Variants in NTN1 observed in about 807,000 individuals in gnomAD.
NTN1 encodes netrin 1, also known as netrin-1.
Under a neutral mutation model 54.2 loss-of-function variants are expected in NTN1, and 11 were observed. The observed-to-expected ratio is 0.20, with a 90% CI of 0.13 to 0.34. The LOEUF (loss-of-function observed/expected upper bound fraction) is 0.34. NTN1 is among the 10% of genes least tolerant of loss of function. The pLI, the probability that NTN1 is intolerant of heterozygous loss-of-function variation, is 1.00. For missense variants in NTN1, 740 were observed against 893.1 expected, an observed-to-expected ratio of 0.83 and a Z score of 2.18; for synonymous variants, 371 against 382.0, an observed-to-expected ratio of 0.97 and a Z score of 0.33.
intron 5 of NTN1, among the ~76,000 whole-genome samples, chr17:9,187,668 A>AC: frequency 6.6e-6 from 1 of 151,148 alleles, no homozygotes; most frequent in Non-Finnish European, 1.5e-5. Flanking sequence ...AAAAAAAAAA[A>AC]AAAAAAAAAA....
intron 2 of NTN1, among the ~76,000 whole-genome samples, chr17:9,148,439 A>AT (rs1444240169): frequency 1.3e-5 from 2 of 151,718 alleles, no homozygotes; most frequent in Non-Finnish European, 1.5e-5. Context: ...GTGGCTGTTG[A>AT]TAAAAAAAAC....
At chr17:9,236,720 C>T (rs1055359617) in intron 6 of NTN1, among the ~76,000 whole-genome samples, 3 of 152,180 alleles carry the variant, frequency 2.0e-5, no homozygotes, top group African/African-American at 7.2e-5. Context: ...TCTGGACTCC[C>T]GGCAGCAAGG....
intron 2 of NTN1, among the ~76,000 whole-genome samples, chr17:9,122,742 A>T (rs2092235265): frequency 6.6e-6 from 1 of 152,240 alleles, no homozygotes; most frequent in Non-Finnish European, 1.5e-5. Context: ...GACGATGTTA[A>T]TACCCTGTGG....
chr17:9,132,543 A>C (rs1448522095), intron 2 of NTN1, among the ~76,000 whole-genome samples: 1 of 152,168 alleles, frequency 6.6e-6, no homozygotes, highest in Admixed American at 6.5e-5. Context: ...GTCTGGCATG[A>C]GGCTGTCCTG....
chr17:9,014,394 A>G, the NTN1 span, among the ~76,000 whole-genome samples: 3 of 152,318 alleles, frequency 2.0e-5, no homozygotes, highest in African/African-American at 7.2e-5. Flanking sequence ...AAAACCTACT[A>G]TACATTGAAC....
At chr17:9,090,464 G>A (rs1481231319) in intron 2 of NTN1, among the ~76,000 whole-genome samples, 2 of 152,084 alleles carry the variant, frequency 1.3e-5, no homozygotes, top group African/African-American at 2.4e-5. Context: ...GTGAGCCACC[G>A]CGCCTGGCCT....
At chr17:9,186,024 C>T (rs1252099268) in intron 5 of NTN1, among the ~76,000 whole-genome samples, 2 of 151,934 alleles carry the variant, frequency 1.3e-5, no homozygotes, top group Non-Finnish European at 2.9e-5. Context: ...GCTGGGGTTT[C>T]CTCTTCAGAG....
At chr17:9,158,243 T>C (rs958395766) in intron 2 of NTN1, among the ~76,000 whole-genome samples, 2 of 152,326 alleles carry the variant, frequency 1.3e-5, no homozygotes, top group African/African-American at 4.8e-5. Flanking sequence ...GAACCTTTTG[T>C]TGGCGTAAGG....
At chr17:9,014,119 T>C in the NTN1 span, among the ~76,000 whole-genome samples, 2 of 152,142 alleles carry the variant, frequency 1.3e-5, no homozygotes, top group African/African-American at 4.8e-5. Context: ...ATAAACGACG[T>C]TGGGGAAATG....
chr17:9,037,765 C>G (rs574614548), intron 2 of NTN1, among the ~76,000 whole-genome samples: 1 of 152,288 alleles, frequency 6.6e-6, no homozygotes, highest in East Asian at 1.9e-4. Flanking sequence ...CCAGGTTTTT[C>G]TGCTACTGCG....
At chr17:9,191,690 A>G (rs780050186) in intron 5 of NTN1, among the ~76,000 whole-genome samples, 4 of 152,160 alleles carry the variant, frequency 2.6e-5, no homozygotes, top group Non-Finnish European at 5.9e-5. Context: ...CATAGGAAGC[A>G]TTAAACTTAC....
At chr17:9,100,706 T>C (rs989432482) in intron 2 of NTN1, among the ~76,000 whole-genome samples, 40 of 152,222 alleles carry the variant, frequency 2.6e-4, no homozygotes, top group African/African-American at 8.7e-4. Context: ...CAATCTCCTT[T>C]GTCTACCTTT....
At chr17:9,156,787 G>A (rs1490972984) in intron 2 of NTN1, among the ~76,000 whole-genome samples, 1 of 152,180 alleles carries the variant, frequency 6.6e-6, no homozygotes, top group African/African-American at 2.4e-5. Flanking sequence ...GATGTCGCAA[G>A]GCTATGCCTT....
chr17:9,042,194 G>A (rs1413453153), intron 2 of NTN1, among the ~76,000 whole-genome samples: 2 of 152,124 alleles, frequency 1.3e-5, no homozygotes, highest in Non-Finnish European at 2.9e-5. Context: ...TCTGGTGGGT[G>A]TGAAGGGGTA....
At chr17:9,137,026 T>G (rs1316931194) in intron 2 of NTN1, among the ~76,000 whole-genome samples, 1 of 152,220 alleles carries the variant, frequency 6.6e-6, no homozygotes, top group Non-Finnish European at 1.5e-5. Flanking sequence ...GTTCTCAATT[T>G]TTCCTATGCC....
chr17:9,004,225 G>T, the NTN1 span, among the ~76,000 whole-genome samples: 1 of 152,266 alleles, frequency 6.6e-6, no homozygotes, highest in African/African-American at 2.4e-5. Context: ...AGACCCTCCG[G>T]AGCGTGCCCG....
intron 2 of NTN1, among the ~76,000 whole-genome samples, chr17:9,032,109 C>T (rs1266868405): frequency 3.3e-5 from 5 of 152,130 alleles, no homozygotes; most frequent in Admixed American, 6.5e-5. Context: ...CAGGGATAGG[C>T]GCCCCCAGTG....
At chr17:9,137,618 C>A (rs887247914) in intron 2 of NTN1, among the ~76,000 whole-genome samples, 2 of 152,110 alleles carry the variant, frequency 1.3e-5, no homozygotes, top group Admixed American at 1.3e-4. Context: ...CATGGTGAAA[C>A]CCTGTCTCTA....
intron 2 of NTN1, among the ~76,000 whole-genome samples, chr17:9,159,355 G>A (rs2092351368): frequency 6.6e-6 from 1 of 152,100 alleles, no homozygotes; most frequent in Admixed American, 6.6e-5. Context: ...CAGACAGAGT[G>A]GCCAATATTT....
Sources: gnomAD v4.1 joint callset for allele counts (sites outside exome capture counted in the v4.1 genomes callset) on GRCh38, gnomAD v4.1.1 for gene constraint, MANE v1.5 for transcripts, NCBI Gene and HGNC (gene_info 2026-07-23, HGNC 2026-07-21) for gene names.